ERBB4: variants seen among roughly 807,000 people sequenced by gnomAD.
ERBB4 encodes erb-b2 receptor tyrosine kinase 4.
In ERBB4, 42 loss-of-function variants were observed where a neutral mutation model predicts 158.0. That is an observed-to-expected ratio of 0.27 (90% CI 0.21 to 0.34). The LOEUF (loss-of-function observed/expected upper bound fraction) is 0.34. ERBB4 is among the 10% of genes least tolerant of loss of function. The pLI, the probability that ERBB4 is intolerant of heterozygous loss-of-function variation, is 1.00. For synonymous variants in ERBB4, 583 were observed against 558.7 expected, an observed-to-expected ratio of 1.04 and a Z score of -0.61; for missense variants, 1,333 against 1,624.1, an observed-to-expected ratio of 0.82 and a Z score of 3.08.
intron 1 of ERBB4, among the ~76,000 whole-genome samples, chr2:212,132,966 C>T (rs2080152575): frequency 6.6e-6 from 1 of 152,046 alleles, no homozygotes; most frequent in African/African-American, 2.4e-5. Context: ...AAGAAAATAA[C>T]AGGTCATACT....
intron 1 of ERBB4, among the ~76,000 whole-genome samples, chr2:212,529,363 A>C (rs1692624373): frequency 6.6e-6 from 1 of 152,226 alleles, no homozygotes; most frequent in African/African-American, 2.4e-5. Context: ...TAAAACCAAC[A>C]GAAATTGCAC....
At chr2:211,731,094 A>G (rs1021687093) in intron 5 of ERBB4, among the ~76,000 whole-genome samples, 1 of 152,126 alleles carries the variant, frequency 6.6e-6, no homozygotes, top group Non-Finnish European at 1.5e-5. Context: ...TTTTCGATGG[A>G]AATATTGCCT....
intron 3 of ERBB4, among the ~76,000 whole-genome samples, chr2:211,901,905 A>G (rs1220997102): frequency 6.6e-6 from 1 of 151,520 alleles, no homozygotes; most frequent in South Asian, 2.1e-4. Context: ...AAAAATTGCA[A>G]CTCCTTAGAC....
At chr2:211,864,794 C>T (rs541614402) in intron 3 of ERBB4, among the ~76,000 whole-genome samples, 8 of 152,090 alleles carry the variant, frequency 5.3e-5, no homozygotes, top group East Asian at 3.9e-4. Flanking sequence ...GGTAAAACCC[C>T]GTCGCTACTA....
chr2:212,344,344 T>G (rs747493047), intron 1 of ERBB4, among the ~76,000 whole-genome samples: 43 of 152,098 alleles, frequency 2.8e-4, no homozygotes, highest in Non-Finnish European at 5.6e-4. Flanking sequence ...CTCTACCCAG[T>G]TGCGACAACC....
At position 211,665,397 on chromosome 2, in the gene ERBB4, C is replaced by T; in HGVS notation, c.1797G>A (p.Gly599=). ...CATACTTGAAAATGAAACTGTTTGC[C>T]CCCTGTAAGCCATCTGGACATTTTT... The part of the protein sequence containing the change: ...CVEKCPDGLQ[G]ANSFIFKYAD... The change falls in exon 15 of 28, where the codon GGG becomes GGA. Residue 599 remains glycine (G), a synonymous_variant. Transcript: ENST00000342788. 3.1e-6 allele frequency: 5 copies of T among 1,614,012 alleles called. No individual in the cohort carries two copies. The highest frequency in any genetic ancestry group is 4.5e-5 in the East Asian group (2 of 44,876).
chr2:211,492,015 A>C (rs576966902), intron 20 of ERBB4, among the ~76,000 whole-genome samples: 1 of 151,940 alleles, frequency 6.6e-6, no homozygotes, highest in South Asian at 2.1e-4. Context: ...CCCATCACAC[A>C]GTGGCTAATT....
intron 4 of ERBB4, among the ~76,000 whole-genome samples, chr2:211,763,913 C>A (rs953749115): frequency 6.6e-6 from 1 of 151,090 alleles, no homozygotes. Flanking sequence ...CACACACACA[C>A]AAATATATGT....
chr2:212,480,898 C>T (rs940424652), intron 1 of ERBB4, among the ~76,000 whole-genome samples: 1 of 152,178 alleles, frequency 6.6e-6, no homozygotes, highest in Non-Finnish European at 1.5e-5. Flanking sequence ...TGTTTGTAGA[C>T]AAGTTTCCTG....
At position 211,383,789 on chromosome 2, in the gene ERBB4, G is replaced by A. The variant is rs1300035312; in HGVS notation, c.3753C>T (p.Ser1251=). Residue 1251 remains serine (S), a synonymous_variant, in exon 28 of 28, where the codon AGC becomes AGT. Coordinates refer to ENST00000342788, the MANE Select transcript of ERBB4 (RefSeq NM_005235.3). ...DYWNHSLPPR[S]TLQHPDYLQE... is the part of the protein sequence containing the mutation. ...GCAGGTAGTCTGGGTGCTGAAGGGT[G>A]CTCCGAGGTGGCAGGCTGTGGTTCC... is the stretch of plus-strand genomic sequence containing the variant. The A allele has an allele frequency of 6.2e-7, 1 of 1,614,090 alleles. No individual in the cohort carries two copies. The highest frequency in any genetic ancestry group is 8.5e-7 in the Non-Finnish European group (1 of 1,180,006).
intron 3 of ERBB4, among the ~76,000 whole-genome samples, chr2:211,855,964 G>C (rs1238909320): frequency 4.6e-5 from 7 of 152,172 alleles, no homozygotes. Flanking sequence ...GGTGAATTTA[G>C]AAAATCTCAG....
intron 5 of ERBB4, among the ~76,000 whole-genome samples, chr2:211,738,668 G>A (rs971598369): frequency 6.6e-6 from 1 of 151,082 alleles, no homozygotes; most frequent in Non-Finnish European, 1.5e-5. Context: ...CACCACGCCC[G>A]GCCCTCTTTT....
intron 15 of ERBB4, among the ~76,000 whole-genome samples, chr2:211,664,327 A>ATGTG (rs113835907): frequency 0.081 from 12,082 of 148,884 alleles, 657 homozygotes; most frequent in Non-Finnish European, 0.11. Context: ...TCAACTACAA[A>ATGTG]TGTGTGTGTG....
Position 211,626,437 on chromosome 2 carries a change from G to C in ERBB4, c.2080-2393C>G, listed in dbSNP as rs2069845547. ...GATTCAACAAATGTTCACTTCTGAGGCAGATTTCTAGCTTCAGTATTTAAA... is the reference window on the plus strand; with the variant it reads ...GATTCAACAAATGTTCACTTCTGAGCCAGATTTCTAGCTTCAGTATTTAAA... On this transcript the variant is annotated intron_variant, in intron 17 of 27. Coordinates refer to ENST00000342788, the MANE Select transcript of ERBB4 (RefSeq NM_005235.3). 1.3e-5 allele frequency among the ~76,000 whole-genome samples: 2 copies of C among 152,124 alleles called. 1 individual carries two copies. The highest frequency in any genetic ancestry group is 4.1e-4 in the South Asian group (2 of 4,828).
intron 1 of ERBB4, among the ~76,000 whole-genome samples, chr2:212,382,177 CACAT>C (rs1331380143): frequency 6.7e-6 from 1 of 148,762 alleles, no homozygotes; most frequent in African/African-American, 2.4e-5. Flanking sequence ...TACACATGCA[CACAT>C]ACATATAAAC....
At chr2:211,918,335 T>G (rs971052475) in intron 3 of ERBB4, among the ~76,000 whole-genome samples, 3 of 152,196 alleles carry the variant, frequency 2.0e-5, no homozygotes, top group African/African-American at 7.2e-5. Flanking sequence ...CTTTTTTTTA[T>G]GTCTATACCC....
intron 1 of ERBB4, among the ~76,000 whole-genome samples, chr2:212,247,743 C>T (rs1017185319): frequency 2.6e-5 from 4 of 152,116 alleles, no homozygotes; most frequent in African/African-American, 4.8e-5. Context: ...GCAGACAGAT[C>T]GCTTGAGGTC....
At chr2:212,369,408 T>C (rs1169654114) in intron 1 of ERBB4, among the ~76,000 whole-genome samples, 2 of 152,124 alleles carry the variant, frequency 1.3e-5, no homozygotes, top group Non-Finnish European at 1.5e-5. Context: ...TTTTCTTACA[T>C]GTAGCATTGA....
intron 5 of ERBB4, among the ~76,000 whole-genome samples, chr2:211,740,613 T>C (rs961044684): frequency 6.8e-6 from 1 of 146,748 alleles, no homozygotes; most frequent in Non-Finnish European, 1.5e-5. Flanking sequence ...AATTATTTCT[T>C]TTCTTTGTCT....
Sources: allele counts gnomAD v4.1 joint callset (sites outside exome capture counted in the v4.1 genomes callset), GRCh38; gene constraint gnomAD v4.1.1; transcripts MANE v1.5; gene names NCBI Gene and HGNC (gene_info 2026-07-23, HGNC 2026-07-21).